Variants in WASF3 observed in about 807,000 individuals in gnomAD.
The protein encoded by WASF3 is WASP family member 3.
In WASF3, 11 loss-of-function variants were observed where a neutral mutation model predicts 46.6. That is an observed-to-expected ratio of 0.24 (90% confidence interval 0.15 to 0.39). WASF3 has a LOEUF of 0.39. Among genes scored for constraint, WASF3 ranks in the 10% least tolerant of loss-of-function variants. The pLI, the probability that WASF3 is intolerant of heterozygous loss-of-function variation, is 1.00. For missense variants in WASF3, 576 were observed against 669.8 expected (o/e 0.86, Z 1.55); for synonymous variants, 242 against 259.7 (o/e 0.93, Z 0.65).
chr13:26,661,918 G>T (rs1882643551), intron 3 of WASF3, among the ~76,000 whole-genome samples: 1 of 152,142 alleles, frequency 6.6e-6, no homozygotes, highest in Non-Finnish European at 1.5e-5. Context: ...AAGCACTTGG[G>T]CTTTGGTCTG....
At chr13:26,628,343 A>G (rs1593157281) in intron 2 of WASF3, among the ~76,000 whole-genome samples, 1 of 151,956 alleles carries the variant, frequency 6.6e-6, no homozygotes, top group Non-Finnish European at 1.5e-5. Context: ...GCAGAGAACA[A>G]CCCCCTACCC....
At chr13:26,647,312 G>A (rs998126808) in intron 3 of WASF3, among the ~76,000 whole-genome samples, 6 of 152,178 alleles carry the variant, frequency 3.9e-5, no homozygotes, top group African/African-American at 1.4e-4. Context: ...AGTACAGTGT[G>A]AGCAATCAGA....
chr13:26,688,241 A>G lies in WASF3; in HGVS notation c.*2396A>G, dbSNP rs1467714897. 6.6e-6 allele frequency: 1 copy of G among 152,246 alleles called. No homozygotes were observed. Among genetic ancestry groups the G allele is most frequent in the Non-Finnish European group, 1.5e-5 (1 of 68,048 alleles). The allele number at this position is 152,246 out of a possible 1,614,324, so 9.4% of individuals were successfully genotyped here. ...GTATTACAATGAAAAGAATAAAGAG[A>G]AGATTTGAATTTTCAGTTTCATTTT... On this transcript the variant is annotated 3_prime_UTR_variant, in exon 10 of 10. Transcript: ENST00000335327.
the WASF3 span, among the ~76,000 whole-genome samples, chr13:26,544,993 A>G: frequency 6.6e-6 from 1 of 152,240 alleles, no homozygotes; most frequent in Non-Finnish European, 1.5e-5. Context: ...TTTTTGAGGC[A>G]CGATCAGCCA....
the WASF3 span, among the ~76,000 whole-genome samples, chr13:26,547,393 A>AACAC: frequency 0.041 from 5,362 of 131,274 alleles, 168 homozygotes; most frequent in African/African-American, 0.1. Flanking sequence ...CTACCCCATC[A>AACAC]ACACACACAC....
At chr13:26,620,544 C>G (rs150885667) in intron 2 of WASF3, 24 of 152,154 alleles carry the variant, frequency 1.6e-4, no homozygotes, top group African/African-American at 5.3e-4. Flanking sequence ...AGAACAGCAG[C>G]TTTTTTCAGA....
upstream of WASF3, among the ~76,000 whole-genome samples, chr13:26,553,939 G>A (rs1375435928): frequency 6.6e-6 from 1 of 151,684 alleles, no homozygotes; most frequent in Admixed American, 6.6e-5. Flanking sequence ...TCTTTACATT[G>A]GAAAAATTTT....
intron 2 of WASF3, chr13:26,640,326 T>G (rs1275863257): frequency 1.3e-5 from 2 of 152,158 alleles, no homozygotes; most frequent in Non-Finnish European, 2.9e-5. Context: ...AAGATGAGGC[T>G]GGTTGTATGA....
At position 26,682,949 on chromosome 13, in the gene WASF3, C is replaced by T. The variant is rs201283896; in HGVS notation, c.1326C>T (p.Ser442=). ...PAQPPISDAR[S]DLLAAIRMGI... is the part of the protein sequence containing the mutation. ...AGCCACCAATCAGTGATGCTCGAAG[C>T]GACCTCCTCGCTGCTATTCGAATGG... The change falls in exon 9 of 10, where the codon AGC becomes AGT. Residue 442 remains serine, a synonymous_variant. Coordinates refer to ENST00000335327, the MANE Select transcript of WASF3 (RefSeq NM_006646.6). This position sits in a 1 kb window ranked among gnomAD's most constrained non-coding sequence, Gnocchi z 4.4. The T allele has an allele frequency of 5.6e-6, 9 of 1,606,578 alleles. No individual in the cohort carries two copies. Among genetic ancestry groups the T allele is most frequent in the African/African-American group, 2.7e-5 (2 of 75,036 alleles).
chr13:26,656,613 A>AT, intron 3 of WASF3, among the ~76,000 whole-genome samples: 1 of 152,130 alleles, frequency 6.6e-6, no homozygotes. Context: ...ATACTAAGAA[A>AT]TAAAAAAAAG....
intron 1 of WASF3, among the ~76,000 whole-genome samples, chr13:26,579,709 C>CT (rs1437157605): frequency 9.9e-5 from 15 of 152,158 alleles, no homozygotes; most frequent in African/African-American, 3.4e-4. Flanking sequence ...GATATAGACC[C>CT]TTGTGTTTAC....
At chr13:26,563,355 A>C (rs1417359986) in intron 1 of WASF3, among the ~76,000 whole-genome samples, 3 of 151,906 alleles carry the variant, frequency 2.0e-5, no homozygotes, top group African/African-American at 7.3e-5. Flanking sequence ...ATAGATGTTT[A>C]TAGATTATAA....
intron 3 of WASF3, among the ~76,000 whole-genome samples, chr13:26,648,874 G>A (rs1003180363): frequency 6.6e-6 from 1 of 152,014 alleles, no homozygotes; most frequent in African/African-American, 2.4e-5. Flanking sequence ...AGGATTATAG[G>A]GGATTCACAC....
intron 1 of WASF3, among the ~76,000 whole-genome samples, chr13:26,597,276 G>C (rs1261432626): frequency 1.3e-5 from 2 of 152,184 alleles, no homozygotes; most frequent in African/African-American, 4.8e-5. Context: ...GGAATTAACA[G>C]GTGTGTGCCA....
intron 3 of WASF3, among the ~76,000 whole-genome samples, chr13:26,651,736 C>T (rs116777990): frequency 0.02 from 3,048 of 152,182 alleles, 106 homozygotes; most frequent in African/African-American, 0.07. Context: ...TCTGTATCTG[C>T]TTAAAAGACT....
intron 2 of WASF3, among the ~76,000 whole-genome samples, chr13:26,618,464 C>G (rs571859058): frequency 6.6e-6 from 1 of 151,878 alleles, no homozygotes; most frequent in East Asian, 1.9e-4. Context: ...CTCTCTCGCT[C>G]TCTCTCTCTC....
At chr13:26,588,623 G>T (rs1880200131) in intron 1 of WASF3, among the ~76,000 whole-genome samples, 1 of 152,116 alleles carries the variant, frequency 6.6e-6, no homozygotes, top group Non-Finnish European at 1.5e-5. Context: ...ATTTGATCTT[G>T]TCGAACGTTT....
chr13:26,596,194 A>G (rs1880455877), intron 1 of WASF3, among the ~76,000 whole-genome samples: 1 of 148,016 alleles, frequency 6.8e-6, no homozygotes, highest in Non-Finnish European at 1.5e-5. Flanking sequence ...GAATAATGAT[A>G]TCTCATTGTG....
At chr13:26,556,641 T>G (rs1412989550), upstream of WASF3, among the ~76,000 whole-genome samples, 1 of 152,258 alleles carries the variant, frequency 6.6e-6, no homozygotes, top group African/African-American at 2.4e-5. Flanking sequence ...ATTTTTCTAC[T>G]GCATTTCTGG....
Sources: gnomAD v4.1 joint callset for allele counts (sites outside exome capture counted in the v4.1 genomes callset) on GRCh38, gnomAD v4.1.1 for gene constraint, Gnocchi (gnomAD v3.1) non-coding constraint, MANE v1.5 for transcripts, NCBI Gene and HGNC (gene_info 2026-07-23, HGNC 2026-07-21) for gene names.